The following FABP6 variants were observed in gnomAD, a reference collection of about 807,000 sequenced individuals.
FABP6 encodes gastrotropin.
FABP6 carries 13 observed loss-of-function variants against 14.9 expected under a neutral mutation model. The observed-to-expected ratio is 0.87, with a 90% confidence interval of 0.57 to 1.39. The LOEUF is 1.39. FABP6 is among the 40% of genes most tolerant of loss of function. The pLI, the probability that FABP6 is intolerant of heterozygous loss-of-function variation, is 0.00. For missense variants in FABP6, 161 were observed against 167.2 expected, an observed-to-expected ratio of 0.96 and a Z score of 0.20; for synonymous variants, 75 against 63.6, an observed-to-expected ratio of 1.18 and a Z score of -0.85.
At chr5:160,202,640 CA>C (rs1190654949) in intron 2 of FABP6, among the ~76,000 whole-genome samples, 7 of 151,056 alleles carry the variant, frequency 4.6e-5, no homozygotes, top group Non-Finnish European at 8.9e-5. Context: ...ACTAAAAATA[CA>C]AAAAAAAGAA....
chr5:160,216,318 A>C (rs557868595), intron 3 of FABP6, among the ~76,000 whole-genome samples: 31 of 150,612 alleles, frequency 2.1e-4, no homozygotes, highest in Non-Finnish European at 3.4e-4. Context: ...CCCAGGCTGG[A>C]GTGCAGTGAC....
intron 1 of FABP6, among the ~76,000 whole-genome samples, chr5:160,230,040 A>ATTTT (rs11405855): frequency 6.9e-6 from 1 of 144,454 alleles, no homozygotes; most frequent in African/African-American, 2.6e-5. Flanking sequence ...CGCCCGGCTA[A>ATTTT]TTTTTTTTTT....
chr5:160,228,709 C>T (rs1760304960), upstream of FABP6: 1 of 358,680 alleles, frequency 2.8e-6, no homozygotes, highest in Non-Finnish European at 5.5e-6. Context: ...TGCCTAGGCC[C>T]ATGGGTGGCT....
At chr5:160,216,795 G>A (rs1257635676) in intron 3 of FABP6, among the ~76,000 whole-genome samples, 1 of 152,204 alleles carries the variant, frequency 6.6e-6, no homozygotes, top group South Asian at 2.1e-4. Flanking sequence ...TTGTTGCATG[G>A]ATTAACAGAG....
Position 160,234,799 on chromosome 5 carries a change from A to G in FABP6, c.244-21A>G, listed in dbSNP as rs756907334. The G allele has an allele frequency of 3.8e-6, 6 of 1,586,114 alleles. No individual in the cohort carries two copies. The South Asian group carries it at 6.9e-5, about 18-fold the overall frequency. The stretch of plus-strand genomic sequence containing the variant: ...CAATCACCTGCAACAACCCAGGCTT[A>G]ATGTTGTGCTTCCATTCCAGGCCAC... On this transcript the variant is annotated intron_variant, in intron 2 of 3. Coordinates refer to ENST00000402432, the MANE Select transcript of FABP6 (RefSeq NM_001445.3).
Position 160,229,609 on chromosome 5 carries a change from T to C in FABP6, c.52T>C (p.Phe18Leu). 6.2e-7 allele frequency: 1 copy of C among 1,613,366 alleles called. No homozygotes were observed. The highest frequency in any genetic ancestry group is 8.5e-7 in the Non-Finnish European group (1 of 1,179,774). ...GGAGAGTGAGAAGAATTATGATGAGTTCATGAAGCTCCTTGGTGAGTGAGC... is the reference window on the plus strand; with the variant it reads ...GGAGAGTGAGAAGAATTATGATGAGCTCATGAAGCTCCTTGGTGAGTGAGC... Reference protein sequence around the residue: ...EMESEKNYDEFMKLLGISSDV... With the variant: ...EMESEKNYDELMKLLGISSDV... The change falls in exon 1 of 4, where the codon TTC becomes CTC. Residue 18 changes from phenylalanine (F) to leucine (L), a missense_variant. Phe to Leu is a conservative substitution (Grantham distance 22). Coordinates refer to ENST00000402432, the MANE Select transcript of FABP6 (RefSeq NM_001445.3).
Position 160,193,122 on chromosome 5 carries a change from C to A in FABP6, c.-59+5668C>A, listed in dbSNP as rs6886793. ...CGGACCCTTGCGGTGAGTGTTACAG[C>A]TCTTAAGGTGGCACGTCTGGAGTTT... On this transcript the variant is annotated intron_variant, in intron 1 of 6. Transcript: ENST00000393980. Among the ~76,000 whole-genome samples the A allele has an allele frequency of 6.4e-3, 979 of 152,262 alleles. 9 individuals carry two copies. The highest frequency in any genetic ancestry group is 0.023 in the African/African-American group (944 of 41,540).
intron 1 of FABP6, among the ~76,000 whole-genome samples, chr5:160,193,296 G>A (rs58595953): frequency 0.091 from 13,901 of 152,038 alleles, 854 homozygotes; most frequent in East Asian, 0.36. Context: ...TCGTGGTCTC[G>A]CTGGCTTCAG....
At chr5:160,216,731 T>G (rs1311389182) in intron 3 of FABP6, among the ~76,000 whole-genome samples, 5 of 152,218 alleles carry the variant, frequency 3.3e-5, no homozygotes, top group Non-Finnish European at 5.9e-5. Context: ...CTAACCTTTC[T>G]GAACTTAGAC....
At chr5:160,224,352 G>A (rs941325461) in intron 3 of FABP6, among the ~76,000 whole-genome samples, 11 of 152,208 alleles carry the variant, frequency 7.2e-5, no homozygotes, top group Admixed American at 3.9e-4. Context: ...GAGCCTGGGA[G>A]GTTGAGGCTG....
intron 2 of FABP6, among the ~76,000 whole-genome samples, chr5:160,208,628 A>C (rs1017396674): frequency 6.6e-6 from 1 of 152,040 alleles, no homozygotes; most frequent in Non-Finnish European, 1.5e-5. Context: ...AGAGTGGATT[A>C]GTTATCATGA....
At chr5:160,229,328 G>A, upstream of FABP6, 2 of 961,926 alleles carry the variant, frequency 2.1e-6, no homozygotes, top group Admixed American at 3.1e-5. Context: ...CTGGCAATGG[G>A]GTGACAGCAC....
chr5:160,198,935 A>G (rs1759570448), intron 1 of FABP6: 2 of 652,216 alleles, frequency 3.1e-6, no homozygotes, highest in East Asian at 2.7e-5. Context: ...TCCAGGGCCC[A>G]TGTGTCTGGC....
chr5:160,206,943 C>T (rs950929575), intron 2 of FABP6, among the ~76,000 whole-genome samples: 2 of 152,182 alleles, frequency 1.3e-5, no homozygotes, highest in African/African-American at 4.8e-5. Flanking sequence ...TCTCACCTAC[C>T]CCAGGACCTT....
At chr5:160,190,524 G>A (rs1022195917) in intron 1 of FABP6, among the ~76,000 whole-genome samples, 2 of 152,094 alleles carry the variant, frequency 1.3e-5, no homozygotes, top group Admixed American at 6.6e-5. Flanking sequence ...GAGCCACCAC[G>A]CCCAGCCTGT....
At chr5:160,209,452 G>A (rs1759841059) in intron 2 of FABP6, among the ~76,000 whole-genome samples, 1 of 152,176 alleles carries the variant, frequency 6.6e-6, no homozygotes, top group Non-Finnish European at 1.5e-5. Flanking sequence ...GAGCCTGGGA[G>A]GTTGAGGGTT....
At chr5:160,220,469 C>A (rs772993821) in intron 3 of FABP6, among the ~76,000 whole-genome samples, 2 of 151,918 alleles carry the variant, frequency 1.3e-5, no homozygotes, top group African/African-American at 4.8e-5. Context: ...ATTAGCCGTG[C>A]GTGGTGGAGC....
chr5:160,214,148 T>TTCA (rs1561748574), intron 3 of FABP6, among the ~76,000 whole-genome samples: 14 of 120,996 alleles, frequency 1.2e-4, no homozygotes, highest in African/African-American at 4.3e-4. Context: ...TCTTTCTTTC[T>TTCA]TTCTTTCTTT....
chr5:160,236,013 T>G (rs1318147228), intron 3 of FABP6, among the ~76,000 whole-genome samples: 1 of 148,546 alleles, frequency 6.7e-6, no homozygotes, highest in South Asian at 2.1e-4. Flanking sequence ...CTCTCTCATG[T>G]CTGTTTTTTT....
Sources: gnomAD v4.1 joint callset for allele counts (sites outside exome capture counted in the v4.1 genomes callset) on GRCh38, gnomAD v4.1.1 for gene constraint, MANE v1.5 for transcripts, NCBI Gene and HGNC (gene_info 2026-07-23, HGNC 2026-07-21) for gene names.